SPATA9: variants seen among roughly 807,000 people sequenced by gnomAD.
The protein encoded by SPATA9 is spermatogenesis associated 9.
A neutral mutation model predicts 25.5 loss-of-function variants in SPATA9; 27 were observed. The ratio of observed to expected loss-of-function variants is 1.06; its 90% CI spans 0.78 to 1.46. SPATA9 has a LOEUF of 1.46. Among genes scored for constraint, SPATA9 ranks in the 40% most tolerant of loss-of-function variants. SPATA9 has a pLI of 0.00. For missense variants in SPATA9, 282 were observed against 297.5 expected (o/e 0.95, Z 0.38); for synonymous variants, 102 against 105.7 (o/e 0.97, Z 0.21).
At chr5:95,694,004 TAA>T (rs1012061512) in intron 1 of SPATA9, among the ~76,000 whole-genome samples, 1 of 151,690 alleles carries the variant, frequency 6.6e-6, no homozygotes, top group African/African-American at 2.4e-5. Context: ...CTTCAAAACA[TAA>T]AAAAGTAGCC....
chr5:95,707,414 G>C, the SPATA9 span, among the ~76,000 whole-genome samples: 2 of 152,002 alleles, frequency 1.3e-5, no homozygotes, highest in Non-Finnish European at 2.9e-5. Flanking sequence ...ACCGAGAGAC[G>C]GCTAATGCTC....
intron 2 of SPATA9, among the ~76,000 whole-genome samples, 180 bp from the exon 3 acceptor site, chr5:95,675,819 C>CTTTTTTTTTT (rs33943918): frequency 1.9e-5 from 2 of 108,024 alleles, no homozygotes; most frequent in African/African-American, 3.7e-5. Flanking sequence ...GTACTTAAAC[C>CTTTTTTTTTT]TTTTTTTTTT....
the SPATA9 span, among the ~76,000 whole-genome samples, chr5:95,706,936 G>A: frequency 6.6e-6 from 1 of 152,096 alleles, no homozygotes; most frequent in Non-Finnish European, 1.5e-5. Flanking sequence ...CCTGCTATCA[G>A]AAACAAGTCT....
At chr5:95,730,972 C>T in the SPATA9 span, 2 of 538,618 alleles carry the variant, frequency 3.7e-6, no homozygotes, top group Non-Finnish European at 6.6e-6. Flanking sequence ...GAATCCCTAG[C>T]TTCCCTAACC....
chr5:95,694,428 C>T (rs577066625), intron 1 of SPATA9, among the ~76,000 whole-genome samples: 2 of 152,206 alleles, frequency 1.3e-5, no homozygotes, highest in Non-Finnish European at 2.9e-5. Context: ...AAAAAGAAAA[C>T]TGGTCATTTT....
chr5:95,719,375 C>T, the SPATA9 span, among the ~76,000 whole-genome samples: 1 of 152,124 alleles, frequency 6.6e-6, no homozygotes, highest in Non-Finnish European at 1.5e-5. Context: ...AAAGATTCCG[C>T]AGGAAGCAAA....
chr5:95,712,747 A>G, the SPATA9 span, among the ~76,000 whole-genome samples: 1 of 152,146 alleles, frequency 6.6e-6, no homozygotes, highest in Non-Finnish European at 1.5e-5. Flanking sequence ...AGCCATTCCT[A>G]TTGTGTTCTG....
chr5:95,731,521 G>A, the SPATA9 span: 4 of 1,294,016 alleles, frequency 3.1e-6, no homozygotes, highest in African/African-American at 6.3e-5. Flanking sequence ...GGCTGGCGCG[G>A]CCCCGGCCCC....
chr5:95,731,771 C>T, the SPATA9 span: 7 of 1,604,094 alleles, frequency 4.4e-6, no homozygotes, highest in Non-Finnish European at 4.3e-6. Flanking sequence ...ATCCTCGCCG[C>T]GCGCTGTCCC....
At chr5:95,731,809 C>T in the SPATA9 span, 1 of 1,599,846 alleles carries the variant, frequency 6.3e-7, no homozygotes, top group East Asian at 2.2e-5. Context: ...AGGAGAGACC[C>T]GCGCGCTGAC....
intron 2 of SPATA9, among the ~76,000 whole-genome samples, chr5:95,681,158 C>T (rs1275692580): frequency 6.6e-6 from 1 of 152,292 alleles, no homozygotes; most frequent in East Asian, 1.9e-4. Context: ...AAGCCCAAAA[C>T]CTTTCTGTGG....
the SPATA9 span, chr5:95,730,747 TC>T: frequency 6.2e-6 from 2 of 323,552 alleles, no homozygotes; most frequent in Non-Finnish European, 1.3e-5. Flanking sequence ...TAGTAAATAA[TC>T]CCCCCAAGGC....
chr5:95,689,835 C>T lies in SPATA9; in HGVS notation n.124+8753G>A, dbSNP rs1753838618. On this transcript the variant is annotated intron_variant and non_coding_transcript_variant, in intron 1 of 2. Coordinates refer to the SPATA9 transcript ENST00000379990. ...TAAAGAAAATGTGGTATATACCCAC[C>T]ATGGAATACTATGCAGCCATAAAAA... 2.0e-5 allele frequency among the ~76,000 whole-genome samples: 3 copies of T among 152,072 alleles called. No individual in the cohort carries two copies. The South Asian group carries it at 6.3e-4, about 32-fold the overall frequency.
In SPATA9 at chr5:95,682,775, A is replaced by T; in HGVS notation, c.61+19T>A. 6.5e-7 allele frequency: 1 copy of T among 1,542,564 alleles called. No homozygotes were observed. The highest frequency in any genetic ancestry group is 8.7e-7 in the Non-Finnish European group (1 of 1,149,190). ...TTGTTCCCACACCCATACGCCCTTTACAACAAGATTGTGTATACTTCTTCC... is the reference window on the plus strand; with the variant it reads ...TTGTTCCCACACCCATACGCCCTTTTCAACAAGATTGTGTATACTTCTTCC... On this transcript the variant is annotated intron_variant, in intron 1 of 4. Coordinates refer to ENST00000274432, the MANE Select transcript of SPATA9 (RefSeq NM_031952.4).
At chr5:95,665,642 C>G (rs185063923) in intron 3 of SPATA9, among the ~76,000 whole-genome samples, 2 of 151,908 alleles carry the variant, frequency 1.3e-5, no homozygotes, top group East Asian at 1.9e-4. Flanking sequence ...TAGGTTGATT[C>G]TATATCCAGG....
upstream of SPATA9, among the ~76,000 whole-genome samples, chr5:95,702,143 CCTT>C (rs1254204734): frequency 2.0e-5 from 3 of 151,914 alleles, no homozygotes; most frequent in African/African-American, 7.3e-5. Context: ...AACCAAAAAG[CCTT>C]CTCACTAAGA....
upstream of SPATA9, among the ~76,000 whole-genome samples, chr5:95,702,068 C>T (rs927351203): frequency 3.3e-5 from 5 of 152,142 alleles, no homozygotes; most frequent in African/African-American, 1.2e-4. Context: ...TACCAAAATT[C>T]TCTCAAGAGG....
At chr5:95,707,233 G>T in the SPATA9 span, among the ~76,000 whole-genome samples, 7 of 152,256 alleles carry the variant, frequency 4.6e-5, no homozygotes, top group African/African-American at 1.7e-4. Flanking sequence ...TAGGAACAAG[G>T]AAATCTTGGA....
chr5:95,656,232 C>G, downstream of SPATA9: 3 of 1,613,588 alleles, frequency 1.9e-6, no homozygotes, highest in Non-Finnish European at 2.5e-6. Context: ...TTATGTGACT[C>G]TTTCTAATGA....
Sources: allele counts gnomAD v4.1 joint callset (sites outside exome capture counted in the v4.1 genomes callset), GRCh38; gene constraint gnomAD v4.1.1; transcripts MANE v1.5; gene names NCBI Gene and HGNC (gene_info 2026-07-23, HGNC 2026-07-21).